IMMP2L: variants seen among roughly 807,000 people sequenced by gnomAD.
IMMP2L encodes inner mitochondrial membrane peptidase subunit 2.
In IMMP2L, 18 loss-of-function variants were observed where a neutral mutation model predicts 19.3. That is an observed-to-expected ratio of 0.93 (90% confidence interval 0.64 to 1.38). The LOEUF is 1.38. IMMP2L is among the 40% of genes most tolerant of loss of function. IMMP2L has a pLI of 0.00. For synonymous variants in IMMP2L, 76 were observed against 73.0 expected, an observed-to-expected ratio of 1.04 and a Z score of -0.21; for missense variants, 233 against 218.2, an observed-to-expected ratio of 1.07 and a Z score of -0.43.
At chr7:110,889,081 T>C (rs578045895) in intron 4 of IMMP2L, among the ~76,000 whole-genome samples, 1 of 152,220 alleles carries the variant, frequency 6.6e-6, no homozygotes, top group African/African-American at 2.4e-5. Context: ...TTAGAGTTTC[T>C]ACCTCTATTT....
intron 3 of IMMP2L, among the ~76,000 whole-genome samples, chr7:111,450,573 G>A (rs1258342178): frequency 2.7e-5 from 4 of 149,040 alleles, no homozygotes; most frequent in African/African-American, 9.9e-5. Context: ...ATGGATTAAA[G>A]ATTTAAACGT....
At chr7:110,976,330 G>T (rs1820696025) in intron 3 of IMMP2L, among the ~76,000 whole-genome samples, 1 of 151,894 alleles carries the variant, frequency 6.6e-6, no homozygotes, top group South Asian at 2.1e-4. Flanking sequence ...TTTCATAAAA[G>T]TGAAATAATA....
In IMMP2L at chr7:110,751,460, G is replaced by T. The variant is rs534558796; in HGVS notation, c.409-87739C>A. On this transcript the variant is annotated intron_variant, in intron 5 of 5. Coordinates refer to ENST00000405709, the MANE Select transcript of IMMP2L (RefSeq NM_032549.4). Reference sequence around the variant, plus strand: ...AGCCAACATTCAAGCAACTCTAAGAGGCCTTGAGGAAATAAGATGAAACAT... The same window carrying T: ...AGCCAACATTCAAGCAACTCTAAGATGCCTTGAGGAAATAAGATGAAACAT... Among the ~76,000 whole-genome samples the T allele has an allele frequency of 2.6e-5, 4 of 151,934 alleles. No individual in the cohort carries two copies. The South Asian group carries it at 8.3e-4, about 32-fold the overall frequency.
At chr7:111,147,010 C>A (rs1803549034) in intron 3 of IMMP2L, among the ~76,000 whole-genome samples, 1 of 152,026 alleles carries the variant, frequency 6.6e-6, no homozygotes, top group South Asian at 2.1e-4. Flanking sequence ...TTTCAGAGCT[C>A]TTCTATTTAG....
chr7:111,281,244 GAAGAGAGAGAGAGAA>G, intron 3 of IMMP2L, among the ~76,000 whole-genome samples: 1 of 127,916 alleles, frequency 7.8e-6, no homozygotes, highest in African/African-American at 3.2e-5. Flanking sequence ...AAGAAAGAAA[GAAGAGAGAGAGAGAA>G]AGAGAGAGAG....
chr7:110,945,196 G>A (rs890489172), intron 4 of IMMP2L, among the ~76,000 whole-genome samples: 10 of 152,018 alleles, frequency 6.6e-5, no homozygotes, highest in Middle Eastern at 3.4e-3. Context: ...GTGAGGGGCC[G>A]CATCTGCAGG....
At chr7:111,392,876 C>A (rs1273777277) in intron 3 of IMMP2L, 2 of 456,258 alleles carry the variant, frequency 4.4e-6, no homozygotes, top group East Asian at 7.0e-5. Context: ...CTGGAAGGGT[C>A]CAGAGCATAG....
chr7:111,339,175 T>C (rs1826762962), intron 3 of IMMP2L, among the ~76,000 whole-genome samples: 1 of 152,028 alleles, frequency 6.6e-6, no homozygotes, highest in Non-Finnish European at 1.5e-5. Flanking sequence ...TCACTGGATG[T>C]CAGAATGTAT....
chr7:111,107,774 T>TTTGCAACATTTGGCTG (rs1259262683), intron 3 of IMMP2L, among the ~76,000 whole-genome samples: 1 of 152,120 alleles, frequency 6.6e-6, no homozygotes, highest in Non-Finnish European at 1.5e-5. Flanking sequence ...CAAAGATTTA[T>TTTGCAACATTTGGCTG]TTGCAACATT....
At chr7:111,556,258 T>C (rs1297873608) in intron 1 of IMMP2L, among the ~76,000 whole-genome samples, 1 of 151,658 alleles carries the variant, frequency 6.6e-6, no homozygotes, top group African/African-American at 2.4e-5. Context: ...TACTATATAA[T>C]ACTGTATTGT....
At chr7:111,551,635 A>C (rs910438612) in intron 1 of IMMP2L, among the ~76,000 whole-genome samples, 10 of 151,908 alleles carry the variant, frequency 6.6e-5, no homozygotes, top group African/African-American at 2.4e-4. Context: ...CTCCAGTGGC[A>C]AATCAGGGAC....
intron 4 of IMMP2L, among the ~76,000 whole-genome samples, chr7:110,954,414 C>T (rs187280278): frequency 2.1e-3 from 312 of 152,122 alleles, no homozygotes; most frequent in Admixed American, 5.4e-3. Context: ...TATTTATAAT[C>T]CCAGAGACAG....
chr7:110,994,899 A>T (rs542944166), intron 3 of IMMP2L, among the ~76,000 whole-genome samples: 1 of 152,260 alleles, frequency 6.6e-6, no homozygotes, highest in African/African-American at 2.4e-5. Context: ...AATTGATATT[A>T]CACAGAAAGG....
At chr7:110,752,664 C>A (rs1205146586) in intron 5 of IMMP2L, among the ~76,000 whole-genome samples, 3 of 151,920 alleles carry the variant, frequency 2.0e-5, no homozygotes, top group African/African-American at 7.3e-5. Flanking sequence ...GCTTCAGGGA[C>A]AAACTGGTAG....
Position 111,123,786 on chromosome 7 carries a change from A to C in IMMP2L, c.240-160221T>G, listed in dbSNP as rs886088738. 7 of 1,613,832 alleles carry C rather than the reference A, an allele frequency of 4.3e-6. No individual in the cohort carries two copies. The African/African-American group carries it at 6.7e-5, about 15-fold the overall frequency. ...TTTTCAGACTCCCCAAGCTGGAATC[A>C]CTCATGCTGAACAGCAATGCTCTCA... is the stretch of plus-strand genomic sequence containing the variant. On this transcript the variant is annotated intron_variant, in intron 3 of 5. Coordinates refer to ENST00000405709, the MANE Select transcript of IMMP2L (RefSeq NM_032549.4). This position sits in a 1 kb window ranked among gnomAD's most constrained non-coding sequence, Gnocchi z 6.4.
chr7:111,236,611 G>A (rs1562956288), intron 3 of IMMP2L, among the ~76,000 whole-genome samples: 1 of 152,086 alleles, frequency 6.6e-6, no homozygotes, highest in Non-Finnish European at 1.5e-5. Context: ...GCTGAGGGCT[G>A]TACGAGGACC....
chr7:110,809,744 ACTAT>A (rs1257034166), intron 5 of IMMP2L, among the ~76,000 whole-genome samples: 8 of 152,098 alleles, frequency 5.3e-5, no homozygotes, highest in Non-Finnish European at 1.0e-4. Flanking sequence ...TAACAGGGCA[ACTAT>A]CTGTTTCATC....
At chr7:111,184,610 C>A (rs1198549410) in intron 3 of IMMP2L, among the ~76,000 whole-genome samples, 1 of 152,020 alleles carries the variant, frequency 6.6e-6, no homozygotes, top group Non-Finnish European at 1.5e-5. Flanking sequence ...CTTCCCACCC[C>A]ACCTCAAAGT....
chr7:110,819,423 G>A (rs956578595), intron 5 of IMMP2L, among the ~76,000 whole-genome samples: 1 of 151,986 alleles, frequency 6.6e-6, no homozygotes, highest in African/African-American at 2.4e-5. Context: ...GTGCAGAAAT[G>A]TCCCCATTTT....
Sources: allele counts gnomAD v4.1 joint callset (sites outside exome capture counted in the v4.1 genomes callset), GRCh38; gene constraint gnomAD v4.1.1; non-coding constraint Gnocchi (gnomAD v3.1); transcripts MANE v1.5; gene names NCBI Gene and HGNC (gene_info 2026-07-23, HGNC 2026-07-21).